Variants in MIAT observed in about 807,000 individuals in gnomAD.
MIAT encodes MI related novel mRNA.
chr22:26,671,650 C>G, downstream of MIAT: 1 of 398,626 alleles, frequency 2.5e-6, no homozygotes, highest in Non-Finnish European at 4.4e-6. Flanking sequence ...ACCCACGTTC[C>G]AGGACAGAGA....
At chr22:26,659,427 A>C (rs1157425160) in intron 2 of MIAT, among the ~76,000 whole-genome samples, 1 of 152,148 alleles carries the variant, frequency 6.6e-6, no homozygotes, top group African/African-American at 2.4e-5. Context: ...TACTCATTTT[A>C]AGCCTTAACC....
chr22:26,673,581 G>C (rs778827524), downstream of MIAT: 9 of 398,644 alleles, frequency 2.3e-5, no homozygotes, highest in Non-Finnish European at 3.5e-5. Context: ...CTAACAACAG[G>C]TCTAACATTC....
chr22:26,676,398 G>A (rs1284028430), exon 5 of MIAT: 1 of 398,524 alleles, frequency 2.5e-6, no homozygotes, highest in African/African-American at 2.1e-5. Context: ...AGCGTCACTT[G>A]GATTTTTGTT....
At chr22:26,674,730 C>T (rs1009836831) in exon 5 of MIAT, 4 of 398,510 alleles carry the variant, frequency 1.0e-5, no homozygotes, top group African/African-American at 8.2e-5. Flanking sequence ...GAAGTGCCTG[C>T]CTGCCATCCT....
chr22:26,662,131 AT>A (rs1421261220), intron 2 of MIAT, among the ~76,000 whole-genome samples: 1 of 151,422 alleles, frequency 6.6e-6, no homozygotes, highest in South Asian at 2.1e-4. Flanking sequence ...TAATTTTTGA[AT>A]TTTTTGTAGA....
intron 2 of MIAT, among the ~76,000 whole-genome samples, chr22:26,656,461 A>T (rs1930457793): frequency 6.7e-6 from 1 of 149,628 alleles, no homozygotes; most frequent in African/African-American, 2.5e-5. Context: ...AGTAGCTGGG[A>T]TTACAGGCAC....
intron 2 of MIAT, among the ~76,000 whole-genome samples, chr22:26,650,969 G>A (rs1340974695): frequency 2.0e-5 from 3 of 152,122 alleles, no homozygotes; most frequent in African/African-American, 7.2e-5. Context: ...TACTTCCTTA[G>A]AGGGTGCTAA....
rs534520356 is a variant in MIAT at position 26,676,078 on chromosome 22, A to C, written n.9746A>C. On this transcript the variant is annotated non_coding_transcript_exon_variant, in exon 5 of 5. Coordinates refer to the MIAT transcript ENST00000613780. ...TGCTATGAGCAGGATCTTAGAGCTG[A>C]GGAATTGGCCTCCCAATCCGAACAG... is the stretch of plus-strand genomic sequence containing the variant. The C allele has an allele frequency of 5.3e-5, 21 of 398,524 alleles. No individual in the cohort carries two copies. The South Asian group carries it at 2.3e-3, about 44-fold the overall frequency. 24.7% of individuals were successfully genotyped at this position (398,524 alleles called of 1,614,324 possible).
At chr22:26,672,358 T>A (rs1452511517), downstream of MIAT, 2 of 398,956 alleles carry the variant, frequency 5.0e-6, no homozygotes, top group Non-Finnish European at 8.8e-6. Flanking sequence ...AAGATCAGAG[T>A]CCACTGGGCC....
chr22:26,659,820 TTTTCTTTCTTTC>T (rs201658637), intron 2 of MIAT, among the ~76,000 whole-genome samples: 4,622 of 132,234 alleles, frequency 0.035, 101 homozygotes, highest in East Asian at 0.099. Flanking sequence ...CTTTTTTTCT[TTTTCTTTCTTTC>T]TTTCTTTCTT....
intron 3 of MIAT, among the ~76,000 whole-genome samples, chr22:26,664,861 T>A (rs1930788863): frequency 6.6e-6 from 1 of 152,236 alleles, no homozygotes; most frequent in African/African-American, 2.4e-5. Flanking sequence ...ACACACAGAT[T>A]TACTTAAAGT....
At chr22:26,676,035 T>C (rs1931249673) in exon 5 of MIAT, 1 of 398,420 alleles carries the variant, frequency 2.5e-6, no homozygotes, top group Non-Finnish European at 4.4e-6. Flanking sequence ...TGCTTTGGAG[T>C]CTACTGAACA....
At chr22:26,672,717 A>C (rs145679775), downstream of MIAT, 2,403 of 399,088 alleles carry the variant, frequency 6.0e-3, 14 homozygotes, top group Non-Finnish European at 7.2e-3. Context: ...ACCGGAAATT[A>C]GCAGAGGGGC....
At chr22:26,671,581 G>A, downstream of MIAT, 2 of 398,898 alleles carry the variant, frequency 5.0e-6, no homozygotes, top group Non-Finnish European at 8.8e-6. Context: ...AAGGGGCTGG[G>A]ATATGGGGGC....
At chr22:26,666,554 T>TCTC in exon 4 of MIAT, 1 of 398,658 alleles carries the variant, frequency 2.5e-6, no homozygotes, top group Non-Finnish European at 4.4e-6. Flanking sequence ...GATTCCTGAC[T>TCTC]CTCCGTTCAG....
downstream of MIAT, chr22:26,673,764 AG>A: frequency 2.5e-6 from 1 of 398,748 alleles, no homozygotes; most frequent in Non-Finnish European, 4.4e-6. Context: ...CAGAACAATC[AG>A]AAGTCGGTAA....
At chr22:26,673,537 A>G (rs749266986), downstream of MIAT, 1 of 398,664 alleles carries the variant, frequency 2.5e-6, no homozygotes, top group Non-Finnish European at 4.4e-6. Flanking sequence ...TGTTCCTTTC[A>G]GCAGAAACTA....
At chr22:26,672,787 G>A (rs1415259265), downstream of MIAT, 1 of 398,546 alleles carries the variant, frequency 2.5e-6, no homozygotes, top group Admixed American at 4.4e-5. Flanking sequence ...CAATGAAGCG[G>A]GTCTTTCCTA....
At chr22:26,653,896 T>C (rs1294320335) in intron 2 of MIAT, among the ~76,000 whole-genome samples, 5 of 152,158 alleles carry the variant, frequency 3.3e-5, no homozygotes, top group African/African-American at 9.7e-5. Context: ...CACGCTACCA[T>C]GCCTGGCTAA....
Sources: gnomAD v4.1 joint callset for allele counts (sites outside exome capture counted in the v4.1 genomes callset) on GRCh38, gnomAD v4.1.1 for gene constraint, MANE v1.5 for transcripts, NCBI Gene and HGNC (gene_info 2026-07-23, HGNC 2026-07-21) for gene names.